TUSC3: variants seen among roughly 807,000 people sequenced by gnomAD.
The protein encoded by TUSC3 is dolichyl-diphosphooligosaccharide--protein glycosyltransferase subunit TUSC3.
In TUSC3, 45 loss-of-function variants were observed where a neutral mutation model predicts 44.8. The ratio of observed to expected loss-of-function variants is 1.00; its 90% CI spans 0.79 to 1.29. The LOEUF is 1.29. Ranked by LOEUF, TUSC3 falls within the 50% of genes most tolerant of loss-of-function variation. The probability of loss-of-function intolerance (pLI) is 0.00; values close to 1 mark genes in which losing one functional copy is unlikely to be tolerated. For synonymous variants in TUSC3, 212 were observed against 152.9 expected (o/e 1.39, Z -2.85); for missense variants, 519 against 437.9 (o/e 1.19, Z -1.65).
chr8:15,682,587 T>C (rs1563170312), intron 6 of TUSC3, among the ~76,000 whole-genome samples: 1 of 152,104 alleles, frequency 6.6e-6, no homozygotes, highest in Admixed American at 6.6e-5. Context: ...ACGGAACATA[T>C]TTTAATGCAG....
At chr8:15,822,330 A>G in the TUSC3 span, among the ~76,000 whole-genome samples, 1 of 152,202 alleles carries the variant, frequency 6.6e-6, no homozygotes, top group African/African-American at 2.4e-5. Context: ...TATTTTAAAA[A>G]AATAGAGTTT....
intron 1 of TUSC3, among the ~76,000 whole-genome samples, chr8:15,613,004 C>T (rs777219467): frequency 6.0e-5 from 9 of 150,356 alleles, no homozygotes; most frequent in African/African-American, 1.2e-4. Context: ...GGCACTAAGC[C>T]GTTTACTTAA....
At chr8:15,600,575 G>A (rs986022710) in intron 1 of TUSC3, among the ~76,000 whole-genome samples, 1 of 151,534 alleles carries the variant, frequency 6.6e-6, no homozygotes, top group South Asian at 2.1e-4. Context: ...TGTCTTAGTG[G>A]GTTACAGATT....
At chr8:15,795,097 G>A in the TUSC3 span, among the ~76,000 whole-genome samples, 2 of 152,092 alleles carry the variant, frequency 1.3e-5, no homozygotes, top group African/African-American at 4.8e-5. Context: ...TTTAATTGAG[G>A]CTATTACCAA....
chr8:15,826,246 G>A, the TUSC3 span, among the ~76,000 whole-genome samples: 1 of 152,052 alleles, frequency 6.6e-6, no homozygotes, highest in Admixed American at 6.6e-5. Context: ...GAAATTTATG[G>A]TACTACTCTG....
At chr8:15,454,593 C>G (rs150732817) in intron 1 of TUSC3, among the ~76,000 whole-genome samples, 226 of 152,316 alleles carry the variant, frequency 1.5e-3, no homozygotes, top group African/African-American at 4.8e-3. Flanking sequence ...AGAAGTTTCT[C>G]TGGCTAGCTG....
intron 2 of TUSC3, among the ~76,000 whole-genome samples, chr8:15,503,396 G>A (rs937009787): frequency 5.9e-5 from 9 of 152,168 alleles, no homozygotes; most frequent in African/African-American, 1.7e-4. Flanking sequence ...TGGCAGCCCT[G>A]GAAAACTAAT....
upstream of TUSC3, among the ~76,000 whole-genome samples, chr8:15,535,362 G>A (rs1039025): frequency 0.82 from 124,320 of 152,088 alleles, 51,464 homozygotes; most frequent in Non-Finnish European, 0.88. Context: ...AATCTTTGGA[G>A]TAAGGAGAAT....
intron 1 of TUSC3, among the ~76,000 whole-genome samples, chr8:15,619,470 G>C (rs1248946808): frequency 6.6e-6 from 1 of 151,566 alleles, no homozygotes; most frequent in East Asian, 1.9e-4. Flanking sequence ...ACATTGATTA[G>C]TCTGGAAAGA....
chr8:15,681,131 T>C (rs913259160), intron 6 of TUSC3, among the ~76,000 whole-genome samples: 2 of 150,676 alleles, frequency 1.3e-5, no homozygotes, highest in African/African-American at 2.4e-5. Context: ...ATCCTTGATT[T>C]TTTTTTTTTT....
At chr8:15,775,693 C>G in the TUSC3 span, among the ~76,000 whole-genome samples, 2 of 147,566 alleles carry the variant, frequency 1.4e-5, no homozygotes, top group African/African-American at 4.9e-5. Context: ...CATATGTACA[C>G]ACACACATAT....
At chr8:15,811,637 G>A in the TUSC3 span, among the ~76,000 whole-genome samples, 2 of 152,216 alleles carry the variant, frequency 1.3e-5, no homozygotes, top group Admixed American at 1.3e-4. Flanking sequence ...TGAGCGAACA[G>A]GTGAATATCA....
intron 1 of TUSC3, among the ~76,000 whole-genome samples, chr8:15,565,254 C>G (rs2129141402): frequency 6.6e-6 from 1 of 151,958 alleles, no homozygotes; most frequent in South Asian, 2.1e-4. Flanking sequence ...CTCTGACTTC[C>G]ATTCCCACAT....
chr8:15,611,922 A>C (rs1038391255), intron 1 of TUSC3, among the ~76,000 whole-genome samples: 1 of 152,224 alleles, frequency 6.6e-6, no homozygotes, highest in Non-Finnish European at 1.5e-5. Context: ...GCAAAACGAT[A>C]TGCATCTGGC....
intron 2 of TUSC3, among the ~76,000 whole-genome samples, chr8:15,648,406 G>A (rs1563152795): frequency 1.3e-5 from 2 of 152,104 alleles, no homozygotes; most frequent in African/African-American, 2.4e-5. Flanking sequence ...GACTCTGAGG[G>A]TTGTATGTGC....
At chr8:15,785,222 A>T in the TUSC3 span, among the ~76,000 whole-genome samples, 744 of 152,240 alleles carry the variant, frequency 4.9e-3, 2 homozygotes, top group Non-Finnish European at 8.5e-3. Flanking sequence ...AACTACTGAA[A>T]TTTTAAAAAG....
intron 1 of TUSC3, among the ~76,000 whole-genome samples, chr8:15,450,412 G>A (rs1262820842): frequency 4.6e-5 from 7 of 152,134 alleles, no homozygotes; most frequent in Admixed American, 1.3e-4. Flanking sequence ...TTGGCTGGGC[G>A]TGGCGGCTAA....
chr8:15,695,622 T>A (rs1284583461), intron 6 of TUSC3, among the ~76,000 whole-genome samples: 3 of 152,188 alleles, frequency 2.0e-5, no homozygotes, highest in Non-Finnish European at 4.4e-5. Context: ...GTTTGGGGGC[T>A]TTAGAAGAAG....
At chr8:15,554,545 T>C (rs1802169797) in intron 1 of TUSC3, among the ~76,000 whole-genome samples, 1 of 151,312 alleles carries the variant, frequency 6.6e-6, no homozygotes, top group Non-Finnish European at 1.5e-5. Context: ...TAGTGCACTA[T>C]AGTCTAACCT....
Sources: gnomAD v4.1 joint callset for allele counts (sites outside exome capture counted in the v4.1 genomes callset) on GRCh38, gnomAD v4.1.1 for gene constraint, MANE v1.5 for transcripts, NCBI Gene and HGNC (gene_info 2026-07-23, HGNC 2026-07-21) for gene names.